Variants in FER observed in about 807,000 individuals in gnomAD.
FER encodes the protein tyrosine-protein kinase Fer.
In FER, 63 loss-of-function variants were observed where a neutral mutation model predicts 111.0. That is an observed-to-expected ratio of 0.57 (90% CI 0.46 to 0.70). The LOEUF (loss-of-function observed/expected upper bound fraction) is 0.70, where lower values mean the gene tolerates loss of function less well. Among genes scored for constraint, FER ranks in the 30% least tolerant of loss-of-function variants. The probability of loss-of-function intolerance (pLI) is 0.00; values close to 1 mark genes in which losing one functional copy is unlikely to be tolerated. For missense variants in FER, 914 were observed against 954.0 expected, an observed-to-expected ratio of 0.96 and a Z score of 0.55; for synonymous variants, 327 against 313.9, an observed-to-expected ratio of 1.04 and a Z score of -0.44.
At chr5:108,934,640 C>T (rs1179661721) in intron 10 of FER, among the ~76,000 whole-genome samples, 2 of 152,072 alleles carry the variant, frequency 1.3e-5, no homozygotes, top group African/African-American at 2.4e-5. Context: ...GAGATGCTAG[C>T]GAAGCAAATA....
intron 13 of FER, among the ~76,000 whole-genome samples, chr5:109,005,205 C>T (rs1765340191): frequency 6.6e-6 from 1 of 152,044 alleles, no homozygotes; most frequent in Admixed American, 6.6e-5. Context: ...TTTCTTCCAC[C>T]TTTGGATCTC....
At chr5:108,925,845 T>C (rs1753661338) in intron 10 of FER, among the ~76,000 whole-genome samples, 1 of 152,098 alleles carries the variant, frequency 6.6e-6, no homozygotes, top group Admixed American at 6.5e-5. Flanking sequence ...ATCTGGTTTA[T>C]AAATTTATAA....
chr5:109,037,507 G>C, intron 14 of FER, 29 bp downstream of exon 14: 17 of 1,587,576 alleles, frequency 1.1e-5, no homozygotes, highest in Non-Finnish European at 1.5e-5. Context: ...TAAATAACCA[G>C]AAGTCTCTAT....
At position 109,192,261 on chromosome 5, in the gene FER, AC is replaced by A. The variant is rs1759435286; in HGVS notation, c.*4691del. ...CAGTTATTCCAAGGCAGGATGATGC[AC>A]CCCCACACAGAGTGTGGAAAAATTA... is the stretch of plus-strand genomic sequence containing the variant. On this transcript the variant is annotated 3_prime_UTR_variant, in exon 20 of 20. Coordinates refer to ENST00000281092, the MANE Select transcript of FER (RefSeq NM_005246.4). The A allele has an allele frequency of 6.6e-6, 1 of 152,190 alleles. No homozygotes were observed. Among genetic ancestry groups the A allele is most frequent in the Admixed American group, 6.5e-5 (1 of 15,268 alleles). 9.4% of individuals were successfully genotyped at this position (152,190 alleles called of 1,614,324 possible).
chr5:108,845,003 T>TATATAC (rs1761767712), intron 5 of FER, among the ~76,000 whole-genome samples: 1 of 14,104 alleles, frequency 7.1e-5, no homozygotes, highest in Non-Finnish European at 1.3e-4. Flanking sequence ...TGTGTATATA[T>TATATAC]ATATATATAT....
In FER at chr5:109,189,924, C is replaced by T. The variant is rs1759257781; in HGVS notation, c.*2349C>T. The T allele has an allele frequency of 6.6e-6, 1 of 152,202 alleles. No individual in the cohort carries two copies. The highest frequency in any genetic ancestry group is 1.9e-4 in the East Asian group (1 of 5,206). The allele number at this position is 152,202 out of a possible 1,614,324, so 9.4% of individuals were successfully genotyped here. A position where few individuals can be genotyped will look rare whatever the true frequency, so the allele number is the denominator to read the frequency against. On this transcript the variant is annotated 3_prime_UTR_variant, in exon 20 of 20. Coordinates refer to ENST00000281092, the MANE Select transcript of FER (RefSeq NM_005246.4). ...CTTAAATTTAAAAAGCTTTTCAAAA[C>T]ATCGTGACATGTGTAGCATTTAAAT...
intron 13 of FER, among the ~76,000 whole-genome samples, chr5:108,999,132 C>G (rs183903744): frequency 3.9e-4 from 59 of 152,068 alleles, no homozygotes; most frequent in African/African-American, 1.3e-3. Flanking sequence ...TTCCTTGATT[C>G]TATGTTTTTT....
At chr5:108,918,744 C>T (rs1286092091) in intron 10 of FER, among the ~76,000 whole-genome samples, 2 of 151,806 alleles carry the variant, frequency 1.3e-5, no homozygotes, top group East Asian at 2.0e-4. Context: ...GCCTCAGCCT[C>T]CCAAAGTGCT....
At chr5:108,904,793 G>C (rs946286637) in intron 10 of FER, among the ~76,000 whole-genome samples, 6 of 152,126 alleles carry the variant, frequency 3.9e-5, no homozygotes, top group African/African-American at 1.4e-4. Context: ...AACAATGTCA[G>C]TTATAGATAT....
chr5:109,116,459 G>A (rs10085093), intron 17 of FER, among the ~76,000 whole-genome samples: 28,739 of 150,656 alleles, frequency 0.19, 2,905 homozygotes, highest in Non-Finnish European at 0.22. Context: ...AAATAACAGT[G>A]TCAATGTATT....
At chr5:108,839,229 T>G (rs147996140) in intron 5 of FER, among the ~76,000 whole-genome samples, 2,913 of 152,224 alleles carry the variant, frequency 0.019, 57 homozygotes, top group South Asian at 0.034. Context: ...TCAGAATAAG[T>G]AAGAAGAGCT....
At chr5:108,778,629 A>G (rs1753742614) in intron 2 of FER, among the ~76,000 whole-genome samples, 1 of 152,086 alleles carries the variant, frequency 6.6e-6, no homozygotes, top group Admixed American at 6.6e-5. Context: ...CGTGTATATT[A>G]TTTGGTGAGT....
At chr5:109,122,238 G>T (rs985898029) in intron 17 of FER, among the ~76,000 whole-genome samples, 2 of 151,980 alleles carry the variant, frequency 1.3e-5, no homozygotes, top group Admixed American at 1.3e-4. Context: ...TACTGCTTTT[G>T]CTGTATCTTA....
chr5:108,786,808 G>A (rs1038096877), intron 2 of FER, among the ~76,000 whole-genome samples: 4 of 152,118 alleles, frequency 2.6e-5, no homozygotes, highest in Admixed American at 6.5e-5. Context: ...CCAAATTTTT[G>A]TTTTTTCTTA....
At chr5:108,773,136 A>G (rs1435022001) in intron 2 of FER, among the ~76,000 whole-genome samples, 1 of 152,166 alleles carries the variant, frequency 6.6e-6, no homozygotes, top group Admixed American at 6.5e-5. Context: ...TAGCTTTTTT[A>G]GGAAGAGGTA....
intron 13 of FER, among the ~76,000 whole-genome samples, chr5:108,998,049 G>C (rs2149770510): frequency 6.6e-6 from 1 of 152,152 alleles, no homozygotes; most frequent in South Asian, 2.1e-4. Flanking sequence ...TTTTATGCCA[G>C]TGGATCTTAG....
At chr5:108,784,386 C>G (rs1395480456) in intron 2 of FER, 1 of 153,690 alleles carries the variant, frequency 6.5e-6, no homozygotes, top group Non-Finnish European at 1.5e-5. Flanking sequence ...ATGGGCATCA[C>G]CGTGAGACAA....
Position 108,954,868 on chromosome 5 carries a change from G to A in FER, c.1469G>A (p.Gly490Asp), listed in dbSNP as rs375338865. The change falls in exon 12 of 20, where the codon GGT (glycine) becomes GAT (aspartate). Residue 490 changes from glycine (G) to aspartate (D), a missense_variant. Transcript: ENST00000281092. ...GTGCGAGAGAGTCATGGGAAACCTG[G>A]TGAATATGTCCTTTCTGTATATTCT... ...FLVRESHGKP[G>D]EYVLSVYSDG... The A allele has an allele frequency of 6.2e-7, 1 of 1,611,662 alleles. No homozygotes were observed.
At chr5:108,998,635 A>T (rs1402790582) in intron 13 of FER, among the ~76,000 whole-genome samples, 1 of 152,226 alleles carries the variant, frequency 6.6e-6, no homozygotes, top group Non-Finnish European at 1.5e-5. Context: ...TGTTCCATCA[A>T]TACCTAGTTT....
Sources: gnomAD v4.1 joint callset for allele counts (sites outside exome capture counted in the v4.1 genomes callset) on GRCh38, gnomAD v4.1.1 for gene constraint, MANE v1.5 for transcripts, NCBI Gene and HGNC (gene_info 2026-07-23, HGNC 2026-07-21) for gene names.